SQLE: variants seen among roughly 807,000 people sequenced by gnomAD.
SQLE encodes the protein squalene monooxygenase.
SQLE carries 29 observed loss-of-function variants against 60.7 expected under a neutral mutation model. The observed-to-expected ratio is 0.48, with a 90% CI of 0.36 to 0.65. The LOEUF (loss-of-function observed/expected upper bound fraction) is 0.65. Among genes scored for constraint, SQLE ranks in the 30% least tolerant of loss-of-function variants. The probability of loss-of-function intolerance (pLI) is 0.00; values close to 1 mark genes in which losing one functional copy is unlikely to be tolerated. For missense variants in SQLE, 605 were observed against 684.1 expected (o/e 0.88, Z 1.29); for synonymous variants, 237 against 246.8 (o/e 0.96, Z 0.37).
In SQLE at chr8:124,998,523, C is replaced by A; in HGVS notation, c.-881C>A. ...GCTGGCTGAGACGCGTGGAGCCTGG[C>A]GGCGAGTGGGGGCGTGCGACGGTTA... On this transcript the variant is annotated 5_prime_UTR_variant, in exon 1 of 11. Coordinates refer to ENST00000265896, the MANE Select transcript of SQLE (RefSeq NM_003129.4). 1 of 659,012 alleles carries A rather than the reference C, an allele frequency of 1.5e-6. No homozygotes were observed. The highest frequency in any genetic ancestry group is 2.7e-6 in the Non-Finnish European group (1 of 364,714). The allele number at this position is 659,012 out of a possible 1,614,324, so 40.8% of individuals were successfully genotyped here.
chr8:125,000,486 C>A (rs1814826651), intron 1 of SQLE, among the ~76,000 whole-genome samples: 1 of 152,296 alleles, frequency 6.6e-6, no homozygotes, highest in East Asian at 1.9e-4. Context: ...CTCTGTCGCC[C>A]GGGCTGGAAT....
chr8:125,014,698 A>G (rs1166680843), intron 7 of SQLE, among the ~76,000 whole-genome samples: 4 of 152,108 alleles, frequency 2.6e-5, no homozygotes, highest in Non-Finnish European at 5.9e-5. Context: ...TTTAATTTCC[A>G]TGTGTTTGTA....
At chr8:125,008,486 A>C (rs1814992200) in intron 4 of SQLE, among the ~76,000 whole-genome samples, 1 of 152,202 alleles carries the variant, frequency 6.6e-6, no homozygotes, top group African/African-American at 2.4e-5. Context: ...TTGTCCTCTA[A>C]TGAAGGTGAC....
chr8:125,009,730 T>A (rs1563597928), intron 6 of SQLE, among the ~76,000 whole-genome samples: 1 of 151,786 alleles, frequency 6.6e-6, no homozygotes, highest in African/African-American at 2.4e-5. Context: ...GAGGCAGAGG[T>A]TGTAGTGAGC....
intron 3 of SQLE, among the ~76,000 whole-genome samples, chr8:125,006,026 G>GT (rs746817841): frequency 1.3e-5 from 2 of 152,170 alleles, no homozygotes; most frequent in African/African-American, 2.4e-5. Flanking sequence ...ACATTTTGGA[G>GT]TTTGAGTTTG....
chr8:125,002,837 A>G (rs1382657986), intron 1 of SQLE, among the ~76,000 whole-genome samples: 2 of 152,236 alleles, frequency 1.3e-5, no homozygotes, highest in African/African-American at 4.8e-5. Flanking sequence ...AGTTTGCCCT[A>G]TAATAAGTCT....
intron 1 of SQLE, among the ~76,000 whole-genome samples, chr8:125,001,636 C>G (rs980998095): frequency 1.3e-5 from 2 of 149,826 alleles, no homozygotes; most frequent in South Asian, 4.2e-4. Flanking sequence ...GAGATCTTCC[C>G]ATAGTAAAAG....
At chr8:125,006,886 G>A (rs1195092998) in intron 3 of SQLE, among the ~76,000 whole-genome samples, 2 of 151,808 alleles carry the variant, frequency 1.3e-5, no homozygotes, top group Non-Finnish European at 2.9e-5. Flanking sequence ...TGTATTTTTA[G>A]TAGAGACGGG....
At chr8:125,012,618 C>T (rs1050512909) in intron 7 of SQLE, among the ~76,000 whole-genome samples, 1 of 152,174 alleles carries the variant, frequency 6.6e-6, no homozygotes, top group Non-Finnish European at 1.5e-5. Flanking sequence ...AATAATCTTC[C>T]ATTGTGTGGC....
chr8:125,007,628 A>T, intron 4 of SQLE, 141 bp downstream of exon 4: 1 of 514,826 alleles, frequency 1.9e-6, no homozygotes, highest in African/African-American at 1.9e-5. Flanking sequence ...AGTGTTTCAG[A>T]TTTTTTATTT....
rs1815001299 is a variant in SQLE at position 125,009,081 on chromosome 8, G to C, written c.933G>C (p.Met311Ile). ...SVSSHFVGFLMKNAPQFKANH... is the reference protein window; with the variant it reads ...SVSSHFVGFLIKNAPQFKANH... ...CATCTCATTTTGTTGGCTTTCTTATGAAGGTACTGTAGGAGTGTGTTATTG... is the reference window on the plus strand; with the variant it reads ...CATCTCATTTTGTTGGCTTTCTTATCAAGGTACTGTAGGAGTGTGTTATTG... The change falls in exon 5 of 11, where the codon ATG becomes ATC. Residue 311 changes from methionine to isoleucine, a missense_variant. By Grantham distance (10) the Met-to-Ile change is conservative. Coordinates refer to ENST00000265896, the MANE Select transcript of SQLE (RefSeq NM_003129.4). 2 of 1,593,514 alleles carry C rather than the reference G, an allele frequency of 1.3e-6. No individual in the cohort carries two copies. Among genetic ancestry groups the C allele is most frequent in the African/African-American group, 2.7e-5 (2 of 73,652 alleles).
rs935705000 is a variant in SQLE, at chr8:125,018,111, A to C, written c.1257A>C (p.Gly419=). The C allele has an allele frequency of 1.9e-6, 3 of 1,613,918 alleles. No homozygotes were observed. Among genetic ancestry groups the C allele is most frequent in the Admixed American group, 1.7e-5 (1 of 60,024 alleles). Reference sequence around the variant, plus strand: ...ATATGAGGCATCCACTTACTGGTGGAGGAATGACTGTTGCTTTTAAAGATA... The same window carrying C: ...ATATGAGGCATCCACTTACTGGTGGCGGAATGACTGTTGCTTTTAAAGATA... ...AYNMRHPLTG[G]GMTVAFKDIK... is the part of the protein sequence containing the mutation. The change falls in exon 8 of 11, where the codon GGA becomes GGC. Residue 419 remains glycine, a synonymous_variant. Coordinates refer to ENST00000265896, the MANE Select transcript of SQLE (RefSeq NM_003129.4).
chr8:125,020,312 ATGAG>A (rs575178760), intron 9 of SQLE, among the ~76,000 whole-genome samples: 2 of 152,326 alleles, frequency 1.3e-5, no homozygotes, highest in South Asian at 4.1e-4. Flanking sequence ...TGAGGGTTTT[ATGAG>A]TTACTTTGAA....
intron 3 of SQLE, among the ~76,000 whole-genome samples, chr8:125,006,721 T>TTG (rs1460258909): frequency 4.6e-5 from 7 of 151,510 alleles, no homozygotes; most frequent in Non-Finnish European, 8.8e-5. Context: ...TTTCTTTTTT[T>TTG]TGAGACTGAG....
rs1563599748 is a variant in SQLE, at chr8:125,016,377, C to T, written c.1205-1682C>T. 6.6e-6 allele frequency among the ~76,000 whole-genome samples: 1 copy of T among 152,088 alleles called. No homozygotes were observed. Among genetic ancestry groups the T allele is most frequent in the Middle Eastern group, 3.4e-3 (1 of 292 alleles). ...AATTCTTTCTTCTGCTTGATCAGTT[C>T]TACTGTTGAGATTCTGCCATGTTCT... On this transcript the variant is annotated intron_variant, in intron 7 of 10. Transcript: ENST00000265896. This position sits in a 1 kb window ranked among gnomAD's most constrained non-coding sequence, Gnocchi z 4.1.
At position 125,003,439 on chromosome 8, in the gene SQLE, A is replaced by G. The variant is rs763567237; in HGVS notation, c.544+11A>G. 5 of 1,612,904 alleles carry G rather than the reference A, an allele frequency of 3.1e-6. No individual in the cohort carries two copies. The South Asian group carries it at 4.4e-5, about 14-fold the overall frequency. On this transcript the variant is annotated intron_variant, in intron 2 of 10. Transcript: ENST00000265896. ...ACCTTGGTCTTGGAGGTAGGTTCATATTGATTTTCAGGAGAGTTACGTGGT... is the reference window on the plus strand; with the variant it reads ...ACCTTGGTCTTGGAGGTAGGTTCATGTTGATTTTCAGGAGAGTTACGTGGT...
In SQLE at chr8:125,016,398, G is replaced by C. The variant is rs1815112302; in HGVS notation, c.1205-1661G>C. ...AGTTCTACTGTTGAGATTCTGCCAT[G>C]TTCTTCAGTAAGTTAATTGAATTTT... On this transcript the variant is annotated intron_variant, in intron 7 of 10. Transcript: ENST00000265896. This position sits in a 1 kb window ranked among gnomAD's most constrained non-coding sequence, Gnocchi z 4.1. 1.3e-5 allele frequency among the ~76,000 whole-genome samples: 2 copies of C among 151,928 alleles called. No individual in the cohort carries two copies. The highest frequency in any genetic ancestry group is 2.4e-5 in the African/African-American group (1 of 41,340).
chr8:125,016,231 G>T lies in SQLE; in HGVS notation c.1205-1828G>T, dbSNP rs527399095. 2.0e-5 allele frequency among the ~76,000 whole-genome samples: 3 copies of T among 151,992 alleles called. No individual in the cohort carries two copies. The highest frequency in any genetic ancestry group is 2.0e-4 in the Admixed American group (3 of 15,262). Reference sequence around the variant, plus strand: ...CTTTCTATCTCCTTTTAAAGGCCAAGAACTTAGATTTGCTCTTTTGAAATT... The same window carrying T: ...CTTTCTATCTCCTTTTAAAGGCCAATAACTTAGATTTGCTCTTTTGAAATT... On this transcript the variant is annotated intron_variant, in intron 7 of 10. Transcript: ENST00000265896. The surrounding 1 kb of genome is among the most constrained non-coding windows in gnomAD (Gnocchi z 4.1).
intron 1 of SQLE, 99 bp from the exon 2 acceptor site, chr8:125,003,071 CTAGCTT>C (rs1442665159): frequency 1.2e-4 from 123 of 1,045,766 alleles, no homozygotes; most frequent in Non-Finnish European, 1.6e-4. Flanking sequence ...TATTTAGTAT[CTAGCTT>C]TAGCCTAGGA....
Sources: gnomAD v4.1 joint callset for allele counts (sites outside exome capture counted in the v4.1 genomes callset) on GRCh38, gnomAD v4.1.1 for gene constraint, Gnocchi (gnomAD v3.1) non-coding constraint, MANE v1.5 for transcripts, NCBI Gene and HGNC (gene_info 2026-07-23, HGNC 2026-07-21) for gene names.